The following SNTG2 variants were observed in gnomAD, a reference collection of about 807,000 sequenced individuals.
The protein encoded by SNTG2 is gamma-2-syntrophin.
In SNTG2, 74 loss-of-function variants were observed where a neutral mutation model predicts 70.9. That is an observed-to-expected ratio of 1.04 (90% CI 0.86 to 1.27). The LOEUF (loss-of-function observed/expected upper bound fraction) is 1.27. Among genes scored for constraint, SNTG2 ranks in the 50% most tolerant of loss-of-function variants. The pLI is 0.00. For synonymous variants in SNTG2, 278 were observed against 273.8 expected (o/e 1.02, Z -0.15); for missense variants, 717 against 690.7 (o/e 1.04, Z -0.43).
intron 9 of SNTG2, among the ~76,000 whole-genome samples, chr2:1,229,675 C>T (rs939876471): frequency 5.9e-5 from 9 of 152,166 alleles, no homozygotes; most frequent in Non-Finnish European, 5.9e-5. Context: ...GAGGCTCGGG[C>T]CGCACAGGAG....
At chr2:1,072,354 T>TTC (rs1663632083) in intron 1 of SNTG2, among the ~76,000 whole-genome samples, 4 of 147,366 alleles carry the variant, frequency 2.7e-5, no homozygotes. Flanking sequence ...TTTTTCTTTT[T>TTC]TTTTTTTTTT....
At chr2:1,183,360 G>A (rs115045780) in intron 8 of SNTG2, among the ~76,000 whole-genome samples, 2,353 of 152,014 alleles carry the variant, frequency 0.015, 64 homozygotes, top group African/African-American at 0.054. Flanking sequence ...TCTTCTGGGT[G>A]TCTGCTCAGG....
At chr2:1,123,080 A>G (rs1202472386) in intron 4 of SNTG2, among the ~76,000 whole-genome samples, 1 of 152,218 alleles carries the variant, frequency 6.6e-6, no homozygotes, top group Non-Finnish European at 1.5e-5. Flanking sequence ...CAATAAATGG[A>G]AAGATATTTT....
chr2:990,291 G>A (rs1406860452), intron 1 of SNTG2, among the ~76,000 whole-genome samples: 1 of 152,198 alleles, frequency 6.6e-6, no homozygotes, highest in Non-Finnish European at 1.5e-5. Context: ...AATCAGAGGA[G>A]GAGCTCCACC....
chr2:1,300,338 C>T (rs1049969922), intron 14 of SNTG2, among the ~76,000 whole-genome samples: 16 of 152,232 alleles, frequency 1.1e-4, no homozygotes, highest in Middle Eastern at 3.2e-3. Flanking sequence ...TTAGCTAAAG[C>T]GTTTTCTGCA....
chr2:1,236,111 C>T (rs994421785), intron 9 of SNTG2, among the ~76,000 whole-genome samples: 6 of 152,140 alleles, frequency 3.9e-5, no homozygotes, highest in Non-Finnish European at 7.3e-5. Flanking sequence ...TTGTATATGT[C>T]GCACCAGTTA....
intron 12 of SNTG2, among the ~76,000 whole-genome samples, chr2:1,249,995 G>T (rs920496037): frequency 6.6e-6 from 1 of 152,180 alleles, no homozygotes; most frequent in Non-Finnish European, 1.5e-5. Context: ...TGGCACTGGG[G>T]TGAGGACCAG....
At chr2:1,174,009 T>A (rs1671305405) in intron 8 of SNTG2, among the ~76,000 whole-genome samples, 1 of 152,242 alleles carries the variant, frequency 6.6e-6, no homozygotes, top group South Asian at 2.1e-4. Context: ...AGAAAAATAT[T>A]CATGTTTGTA....
At chr2:1,016,351 C>T (rs1361150786) in intron 1 of SNTG2, among the ~76,000 whole-genome samples, 1 of 152,208 alleles carries the variant, frequency 6.6e-6, no homozygotes, top group Non-Finnish European at 1.5e-5. Context: ...CAGCCATTCT[C>T]CTGCCTCAGC....
intron 16 of SNTG2, among the ~76,000 whole-genome samples, chr2:1,327,897 T>A (rs982134682): frequency 6.6e-6 from 1 of 152,204 alleles, no homozygotes; most frequent in Non-Finnish European, 1.5e-5. Flanking sequence ...AAGAAATACC[T>A]GAGGCTGAGT....
intron 1 of SNTG2, among the ~76,000 whole-genome samples, chr2:988,275 A>G (rs1175043006): frequency 2.0e-5 from 3 of 152,194 alleles, no homozygotes; most frequent in Non-Finnish European, 4.4e-5. Context: ...TAGAGCCACA[A>G]CTATGATCAA....
At chr2:1,253,091 T>C (rs1368238429) in intron 12 of SNTG2, among the ~76,000 whole-genome samples, 1 of 152,122 alleles carries the variant, frequency 6.6e-6, no homozygotes, top group Non-Finnish European at 1.5e-5. Flanking sequence ...AGGTTGTTAA[T>C]TACTCACAGA....
At chr2:1,223,417 C>T (rs1279099803) in intron 9 of SNTG2, among the ~76,000 whole-genome samples, 1 of 152,128 alleles carries the variant, frequency 6.6e-6, no homozygotes, top group Non-Finnish European at 1.5e-5. Flanking sequence ...GAGGGCGTCT[C>T]CCTGTCCTGC....
intron 14 of SNTG2, among the ~76,000 whole-genome samples, chr2:1,306,105 T>G (rs1444392507): frequency 6.6e-6 from 1 of 152,214 alleles, no homozygotes; most frequent in Non-Finnish European, 1.5e-5. Context: ...CCTCAGTCCT[T>G]ATCACACTCT....
intron 4 of SNTG2, among the ~76,000 whole-genome samples, chr2:1,136,998 A>G (rs986237100): frequency 6.6e-6 from 1 of 152,216 alleles, no homozygotes; most frequent in African/African-American, 2.4e-5. Flanking sequence ...CAGACTTTCC[A>G]TATCCTGTAA....
chr2:1,159,566 G>A (rs911815222), intron 6 of SNTG2: 1 of 152,088 alleles, frequency 6.6e-6, no homozygotes, highest in Non-Finnish European at 1.5e-5. Flanking sequence ...ATCAAAATTC[G>A]TCGAATACAA....
intron 9 of SNTG2, among the ~76,000 whole-genome samples, chr2:1,232,597 C>T (rs1676332264): frequency 6.6e-6 from 1 of 152,134 alleles, no homozygotes; most frequent in Admixed American, 6.5e-5. Context: ...CATGCCCAGC[C>T]CACCATGACT....
chr2:1,302,540 T>TAAA (rs34803391), intron 14 of SNTG2, among the ~76,000 whole-genome samples: 28 of 68,190 alleles, frequency 4.1e-4, no homozygotes, highest in African/African-American at 1.1e-3. Context: ...ATTGGAATGC[T>TAAA]AAAAAAAAAA....
At chr2:1,015,148 G>C (rs901870673) in intron 1 of SNTG2, among the ~76,000 whole-genome samples, 2 of 152,168 alleles carry the variant, frequency 1.3e-5, no homozygotes, top group African/African-American at 4.8e-5. Flanking sequence ...ACTGGAGCGG[G>C]AGCAGGTATC....
Sources: gnomAD v4.1 joint callset for allele counts (sites outside exome capture counted in the v4.1 genomes callset) on GRCh38, gnomAD v4.1.1 for gene constraint, MANE v1.5 for transcripts, NCBI Gene and HGNC (gene_info 2026-07-23, HGNC 2026-07-21) for gene names.